The following MIR2052HG variants were observed in gnomAD, a reference collection of about 807,000 sequenced individuals.
MIR2052HG encodes the protein MIR2052 host gene.
At chr8:74,630,473 C>T (rs1586897270) in intron 2 of MIR2052HG, among the ~76,000 whole-genome samples, 1 of 143,134 alleles carries the variant, frequency 7.0e-6, no homozygotes, top group African/African-American at 2.6e-5. Flanking sequence ...GCCTTTTACT[C>T]CAGAAAGAGG....
chr8:74,753,885 T>C (rs562474843), intron 5 of MIR2052HG, among the ~76,000 whole-genome samples: 25 of 152,226 alleles, frequency 1.6e-4, no homozygotes, highest in Admixed American at 9.8e-4. Flanking sequence ...TTTATTAACA[T>C]GAGAATTGTT....
intron 2 of MIR2052HG, among the ~76,000 whole-genome samples, chr8:74,655,847 AG>A (rs2128736528): frequency 6.6e-6 from 1 of 152,238 alleles, no homozygotes; most frequent in Non-Finnish European, 1.5e-5. Context: ...CACCTGGAAA[AG>A]CCACAGACAC....
At position 74,624,396 on chromosome 8, in the gene MIR2052HG, C is replaced by A. The variant is rs551969524; in HGVS notation, n.216+11456C>A. 1.3e-3 allele frequency among the ~76,000 whole-genome samples: 194 copies of A among 152,330 alleles called. 1 individual carries two copies. Among genetic ancestry groups the A allele is most frequent in the African/African-American group, 4.2e-3 (173 of 41,568 alleles). ...AGTGTGGTTTGATCAGATTGACTTT[C>A]TGTAAATACACTGGAGAATTTTTGT... On this transcript the variant is annotated intron_variant and non_coding_transcript_variant, in intron 2 of 6. Transcript: ENST00000523442.
intron 4 of MIR2052HG, among the ~76,000 whole-genome samples, chr8:74,728,436 C>T (rs796672488): frequency 2.0e-5 from 3 of 152,242 alleles, no homozygotes; most frequent in African/African-American, 7.2e-5. Flanking sequence ...AATTTATTCA[C>T]TCATTCAAGA....
At chr8:74,722,670 A>G (rs898609072) in intron 4 of MIR2052HG, among the ~76,000 whole-genome samples, 6 of 152,196 alleles carry the variant, frequency 3.9e-5, no homozygotes, top group South Asian at 2.1e-4. Context: ...TGGAATTTAC[A>G]TTTATTTCAA....
intron 2 of MIR2052HG, among the ~76,000 whole-genome samples, chr8:74,662,686 T>C (rs980240247): frequency 8.5e-5 from 13 of 152,206 alleles, no homozygotes; most frequent in African/African-American, 3.1e-4. Flanking sequence ...TAAGAATTTT[T>C]CTGTTTCCAC....
At chr8:74,630,674 G>A (rs2128734073) in intron 2 of MIR2052HG, among the ~76,000 whole-genome samples, 1 of 152,260 alleles carries the variant, frequency 6.6e-6, no homozygotes, top group Non-Finnish European at 1.5e-5. Context: ...AACACTGGCT[G>A]GACATTCCTG....
chr8:74,696,636 T>C (rs1240922385), intron 2 of MIR2052HG, among the ~76,000 whole-genome samples: 1 of 151,938 alleles, frequency 6.6e-6, no homozygotes. Context: ...AAATGGAAGA[T>C]ATTACAAACA....
chr8:74,697,553 A>G (rs569694524), intron 2 of MIR2052HG, among the ~76,000 whole-genome samples: 65 of 152,244 alleles, frequency 4.3e-4, no homozygotes, highest in Non-Finnish European at 7.6e-4. Context: ...TTCACTGATG[A>G]TATCATCCTA....
intron 2 of MIR2052HG, among the ~76,000 whole-genome samples, chr8:74,629,139 A>G (rs529606875): frequency 6.6e-6 from 1 of 152,292 alleles, no homozygotes; most frequent in South Asian, 2.1e-4. Flanking sequence ...TCTTTCATTA[A>G]AATATCACAT....
chr8:74,685,429 A>G (rs1809170053), intron 2 of MIR2052HG, among the ~76,000 whole-genome samples: 1 of 152,144 alleles, frequency 6.6e-6, no homozygotes, highest in African/African-American at 2.4e-5. Context: ...CTACAAAGGA[A>G]ACAGTAGAAT....
intron 2 of MIR2052HG, among the ~76,000 whole-genome samples, chr8:74,638,753 A>T (rs2128735072): frequency 6.6e-6 from 1 of 152,290 alleles, no homozygotes; most frequent in South Asian, 2.1e-4. Flanking sequence ...TGGAATACCT[A>T]AATAAAGATG....
chr8:74,691,442 T>C (rs269185), intron 2 of MIR2052HG, among the ~76,000 whole-genome samples: 29,981 of 152,138 alleles, frequency 0.2, 3,226 homozygotes, highest in Middle Eastern at 0.3. Flanking sequence ...AATTTGGCCG[T>C]GTCTTTATAT....
intron 4 of MIR2052HG, among the ~76,000 whole-genome samples, chr8:74,732,336 C>T (rs1312208998): frequency 2.6e-5 from 4 of 152,064 alleles, no homozygotes; most frequent in Non-Finnish European, 5.9e-5. Flanking sequence ...GGATTTTGCT[C>T]TTTATGGGGG....
rs545361934 is a variant in MIR2052HG at position 74,630,164 on chromosome 8, A to AT, written n.216+17232dup. The stretch of plus-strand genomic sequence containing the variant: ...TGTATCTGATAATAATGCTAAACAC[A>AT]TTTTTTTTCCTAAATCAAAACAGTT... On this transcript the variant is annotated intron_variant and non_coding_transcript_variant, in intron 2 of 6. Transcript: ENST00000523442. 2.0e-4 allele frequency among the ~76,000 whole-genome samples: 30 copies of AT among 152,170 alleles called. No homozygotes were observed. In the East Asian group the frequency reaches 3.1e-3, roughly 16 times the overall value.
intron 2 of MIR2052HG, among the ~76,000 whole-genome samples, chr8:74,656,421 TG>T (rs570979109): frequency 6.6e-6 from 1 of 152,146 alleles, no homozygotes. Flanking sequence ...AATTGAATCA[TG>T]GGGGCCAGTC....
chr8:74,602,113 G>A (rs1808008869), intron 1 of MIR2052HG, among the ~76,000 whole-genome samples: 1 of 152,170 alleles, frequency 6.6e-6, no homozygotes, highest in Non-Finnish European at 1.5e-5. Context: ...TGAGGTAGGA[G>A]GTTAGCACAA....
chr8:74,608,460 T>A (rs1808145071), intron 1 of MIR2052HG, among the ~76,000 whole-genome samples: 1 of 152,152 alleles, frequency 6.6e-6, no homozygotes, highest in Non-Finnish European at 1.5e-5. Flanking sequence ...ATCAATCAGG[T>A]TGACCTTATT....
At chr8:74,701,377 G>C (rs541981904) in intron 2 of MIR2052HG, among the ~76,000 whole-genome samples, 21 of 152,180 alleles carry the variant, frequency 1.4e-4, no homozygotes, top group African/African-American at 4.1e-4. Flanking sequence ...CACCGTTCAA[G>C]CACTGTTTCT....
Sources: allele counts gnomAD v4.1 joint callset (sites outside exome capture counted in the v4.1 genomes callset), GRCh38; gene constraint gnomAD v4.1.1; transcripts MANE v1.5; gene names NCBI Gene and HGNC (gene_info 2026-07-23, HGNC 2026-07-21).